Variants in GRXCR1 observed in about 807,000 individuals in gnomAD.
The protein encoded by GRXCR1 is glutaredoxin and cysteine rich domain containing 1, also known as glutaredoxin domain-containing cysteine-rich protein 1.
In GRXCR1, 27 loss-of-function variants were observed where a neutral mutation model predicts 27.3. The ratio of observed to expected loss-of-function variants is 0.99; its 90% confidence interval spans 0.73 to 1.37. The LOEUF is 1.37. GRXCR1 is among the 40% of genes most tolerant of loss of function. The pLI is 0.00. For synonymous variants in GRXCR1, 122 were observed against 131.1 expected (o/e 0.93, Z 0.47); for missense variants, 379 against 354.4 (o/e 1.07, Z -0.56).
intron 1 of GRXCR1, among the ~76,000 whole-genome samples, chr4:42,962,315 G>A (rs1332312709): frequency 6.6e-6 from 1 of 151,884 alleles, no homozygotes; most frequent in Non-Finnish European, 1.5e-5. Context: ...TATTTCTTGT[G>A]GCATAACTTT....
rs140093667 is a variant in GRXCR1, at chr4:42,947,980, C to A, written c.385-14912C>A. ...CACAATTTAGGTGCTTTAATTAAAG[C>A]AACCTAATTTGGGGAAATTGCAGAA... On this transcript the variant is annotated intron_variant, in intron 1 of 3. Coordinates refer to ENST00000399770, the MANE Select transcript of GRXCR1 (RefSeq NM_001080476.3). Among the ~76,000 whole-genome samples the A allele has an allele frequency of 3.6e-4, 55 of 152,220 alleles. No homozygotes were observed. The East Asian group carries it at 9.5e-3, about 26-fold the overall frequency.
At chr4:42,940,504 C>T (rs1015296866) in intron 1 of GRXCR1, among the ~76,000 whole-genome samples, 5 of 151,914 alleles carry the variant, frequency 3.3e-5, no homozygotes, top group African/African-American at 9.7e-5. Flanking sequence ...GGAGCTGAAA[C>T]AAAAAATGCA....
At chr4:42,922,642 C>G (rs549819537) in intron 1 of GRXCR1, among the ~76,000 whole-genome samples, 48 of 152,026 alleles carry the variant, frequency 3.2e-4, no homozygotes, top group African/African-American at 9.9e-4. Flanking sequence ...AGGTATTGGC[C>G]CCTGTTACCC....
At chr4:43,013,029 G>T (rs535243097) in intron 2 of GRXCR1, among the ~76,000 whole-genome samples, 67 of 152,114 alleles carry the variant, frequency 4.4e-4, no homozygotes, top group Admixed American at 1.3e-3. Context: ...AATAACAGAC[G>T]CTAGTGAGGC....
intron 2 of GRXCR1, among the ~76,000 whole-genome samples, chr4:42,982,032 C>T (rs993593755): frequency 1.3e-5 from 2 of 150,440 alleles, no homozygotes; most frequent in African/African-American, 4.9e-5. Context: ...AGGCTTTCCA[C>T]CCCTTTGTCT....
At chr4:42,958,013 T>A (rs1560664584) in intron 1 of GRXCR1, among the ~76,000 whole-genome samples, 1 of 152,114 alleles carries the variant, frequency 6.6e-6, no homozygotes, top group East Asian at 1.9e-4. Context: ...AAGAGTTAGG[T>A]ATTTATTCCA....
At chr4:42,975,026 C>T (rs889625404) in intron 2 of GRXCR1, among the ~76,000 whole-genome samples, 3 of 152,050 alleles carry the variant, frequency 2.0e-5, no homozygotes, top group Admixed American at 2.0e-4. Context: ...GGTATGACTA[C>T]CTGCCCTGGG....
chr4:42,894,781 G>A (rs750857083), intron 1 of GRXCR1, among the ~76,000 whole-genome samples: 22 of 152,018 alleles, frequency 1.4e-4, no homozygotes, highest in Admixed American at 3.3e-4. Flanking sequence ...CTGATGTTGT[G>A]TTCTACTAGG....
chr4:42,919,977 T>C (rs1477639711), intron 1 of GRXCR1, among the ~76,000 whole-genome samples: 2 of 152,144 alleles, frequency 1.3e-5, no homozygotes, highest in African/African-American at 4.8e-5. Context: ...GAGTTTCTGC[T>C]CTGTGCAAAG....
intron 2 of GRXCR1, 150 bp downstream of exon 2, chr4:42,963,284 G>C: frequency 1.1e-6 from 1 of 870,450 alleles, no homozygotes; most frequent in Non-Finnish European, 1.9e-6. Flanking sequence ...ACTTATTTCT[G>C]TCCCAGACAA....
At chr4:42,907,013 T>C (rs1266948627) in intron 1 of GRXCR1, among the ~76,000 whole-genome samples, 1 of 152,184 alleles carries the variant, frequency 6.6e-6, no homozygotes, top group South Asian at 2.1e-4. Flanking sequence ...AATTGGATTC[T>C]TGTAAAAAGT....
intron 1 of GRXCR1, among the ~76,000 whole-genome samples, chr4:42,906,680 A>G (rs1002345783): frequency 1.3e-5 from 2 of 152,152 alleles, no homozygotes; most frequent in African/African-American, 4.8e-5. Context: ...TGAACTATTT[A>G]AGAGGATACT....
intron 1 of GRXCR1, among the ~76,000 whole-genome samples, chr4:42,930,774 T>C (rs1410900514): frequency 6.6e-6 from 1 of 152,018 alleles, no homozygotes; most frequent in Non-Finnish European, 1.5e-5. Flanking sequence ...AGATAATACA[T>C]GTGTAAGGTC....
chr4:42,908,551 G>A (rs1005052288), intron 1 of GRXCR1, among the ~76,000 whole-genome samples: 2 of 152,120 alleles, frequency 1.3e-5, no homozygotes, highest in African/African-American at 4.8e-5. Context: ...TTGTATTTTA[G>A]CCTGCAGCTA....
At chr4:42,962,822 AT>A in intron 1 of GRXCR1, 69 bp from the exon 2 acceptor site, 1 of 1,573,960 alleles carries the variant, frequency 6.4e-7, no homozygotes, top group Non-Finnish European at 8.7e-7. Context: ...GCAATTTTTA[AT>A]TGTCTTAAAA....
At chr4:42,982,384 C>T (rs1285906898) in intron 2 of GRXCR1, among the ~76,000 whole-genome samples, 2 of 132,182 alleles carry the variant, frequency 1.5e-5, no homozygotes, top group Non-Finnish European at 3.2e-5. Flanking sequence ...AGGACATGAA[C>T]TCATCATTTT....
intron 2 of GRXCR1, among the ~76,000 whole-genome samples, chr4:42,998,270 T>A (rs1712239702): frequency 6.6e-6 from 1 of 152,210 alleles, no homozygotes; most frequent in South Asian, 2.1e-4. Flanking sequence ...ATCCACTTCC[T>A]TTCCATTCTT....
intron 1 of GRXCR1, among the ~76,000 whole-genome samples, chr4:42,895,294 A>G (rs930967269): frequency 2.0e-5 from 3 of 152,128 alleles, no homozygotes; most frequent in African/African-American, 7.2e-5. Flanking sequence ...TTTTTCTAAT[A>G]ATTTAGCCCC....
At chr4:42,942,899 G>A (rs2109763822) in intron 1 of GRXCR1, among the ~76,000 whole-genome samples, 1 of 152,194 alleles carries the variant, frequency 6.6e-6, no homozygotes, top group Admixed American at 6.5e-5. Flanking sequence ...CCTTCATGGT[G>A]CTCACAATTT....
Sources: allele counts gnomAD v4.1 joint callset (sites outside exome capture counted in the v4.1 genomes callset), GRCh38; gene constraint gnomAD v4.1.1; transcripts MANE v1.5; gene names NCBI Gene and HGNC (gene_info 2026-07-23, HGNC 2026-07-21).